The following EPB41L5 variants were observed in gnomAD, a reference collection of about 807,000 sequenced individuals.
EPB41L5 encodes erythrocyte membrane protein band 4.1 like 5.
A neutral mutation model predicts 106.6 loss-of-function variants in EPB41L5; 55 were observed. The observed-to-expected ratio is 0.52, with a 90% CI of 0.42 to 0.65. EPB41L5 has a LOEUF of 0.65. EPB41L5 is among the 30% of genes least tolerant of loss of function. The pLI is 0.00. For missense variants in EPB41L5, 871 were observed against 882.1 expected (o/e 0.99, Z 0.16); for synonymous variants, 297 against 306.7 (o/e 0.97, Z 0.33).
At chr2:120,111,998 A>G (rs901803046) in intron 16 of EPB41L5, among the ~76,000 whole-genome samples, 1 of 151,904 alleles carries the variant, frequency 6.6e-6, no homozygotes, top group Non-Finnish European at 1.5e-5. Flanking sequence ...TCAATCTCTT[A>G]TGGTTCATTC....
chr2:120,142,916 G>A, intron 18 of EPB41L5, 87 bp from the exon 19 acceptor site: 1 of 1,181,360 alleles, frequency 8.5e-7, no homozygotes, highest in Non-Finnish European at 1.2e-6. Flanking sequence ...CTGATTGTCT[G>A]CAGATGAACT....
intron 10 of EPB41L5, among the ~76,000 whole-genome samples, chr2:120,086,087 G>A (rs1041063784): frequency 2.6e-5 from 4 of 152,144 alleles, no homozygotes; most frequent in Non-Finnish European, 5.9e-5. Context: ...TGTAATCCCA[G>A]CTACTCTGGA....
At position 120,154,818 on chromosome 2, in the gene EPB41L5, C is replaced by T. The variant is rs549909471; in HGVS notation, c.1794-6063C>T. ...GCGGGTGCCTATAGTCCCAGCTACT[C>T]GGGAGGCTGAGGCAGGAGAATGGCG... is the stretch of plus-strand genomic sequence containing the variant. On this transcript the variant is annotated intron_variant, in intron 20 of 24. Coordinates refer to ENST00000263713, the MANE Select transcript of EPB41L5 (RefSeq NM_020909.4). Among the ~76,000 whole-genome samples the T allele has an allele frequency of 2.1e-3, 319 of 151,946 alleles. 2 individuals carry two copies. The highest frequency in any genetic ancestry group is 7.2e-3 in the African/African-American group (297 of 41,438).
At chr2:120,170,482 C>G (rs754039618) in intron 24 of EPB41L5, among the ~76,000 whole-genome samples, 3 of 152,246 alleles carry the variant, frequency 2.0e-5, no homozygotes, top group Non-Finnish European at 4.4e-5. Context: ...GACTAAGGAA[C>G]TCAGTTCCTA....
intron 3 of EPB41L5, among the ~76,000 whole-genome samples, chr2:120,060,704 A>G (rs1256582220): frequency 6.6e-6 from 1 of 152,134 alleles, no homozygotes; most frequent in Non-Finnish European, 1.5e-5. Context: ...TGGTATTAGG[A>G]TAGGAATCTA....
chr2:120,030,977 A>G (rs912560669), intron 2 of EPB41L5, among the ~76,000 whole-genome samples: 2 of 152,012 alleles, frequency 1.3e-5, no homozygotes, highest in South Asian at 2.1e-4. Flanking sequence ...CCCGGGTTCA[A>G]GTGATTCTCC....
intron 9 of EPB41L5, among the ~76,000 whole-genome samples, chr2:120,077,761 TTAAC>T (rs1682350522): frequency 1.3e-5 from 2 of 152,164 alleles, no homozygotes; most frequent in African/African-American, 4.8e-5. Flanking sequence ...TATTTCTAGT[TTAAC>T]TAGTAACATT....
chr2:120,099,016 T>G (rs1430246456), intron 14 of EPB41L5, among the ~76,000 whole-genome samples: 2 of 152,240 alleles, frequency 1.3e-5, no homozygotes, highest in Non-Finnish European at 2.9e-5. Context: ...TTAAATCTGC[T>G]CGGGGTACCC....
intron 20 of EPB41L5, among the ~76,000 whole-genome samples, chr2:120,148,683 G>T (rs1445976967): frequency 1.3e-5 from 2 of 151,794 alleles, no homozygotes; most frequent in Admixed American, 6.6e-5. Context: ...AGCATATGTT[G>T]GTACTTTGTC....
intron 16 of EPB41L5, chr2:120,106,130 A>G (rs1684440344): frequency 2.0e-6 from 2 of 985,318 alleles, no homozygotes; most frequent in African/African-American, 3.5e-5. Flanking sequence ...GTACTGTTAC[A>G]TTTAAGGGAA....
intron 3 of EPB41L5, among the ~76,000 whole-genome samples, chr2:120,044,303 A>G (rs1292541329): frequency 6.6e-6 from 1 of 152,184 alleles, no homozygotes; most frequent in Non-Finnish European, 1.5e-5. Context: ...ATTAGACTAA[A>G]TTCACTAATG....
chr2:120,089,706 T>C (rs978392552), intron 11 of EPB41L5, among the ~76,000 whole-genome samples: 1 of 152,086 alleles, frequency 6.6e-6, no homozygotes, highest in Non-Finnish European at 1.5e-5. Flanking sequence ...TATATAACTT[T>C]TGATGTTTAG....
chr2:120,013,587 G>GA, intron 1 of EPB41L5: 1 of 152,324 alleles, frequency 6.6e-6, no homozygotes, highest in African/African-American at 2.4e-5. Flanking sequence ...AAGGGAAGGG[G>GA]AAAAACGAAC....
At chr2:120,068,518 A>C (rs1476289473) in intron 3 of EPB41L5, among the ~76,000 whole-genome samples, 1 of 152,092 alleles carries the variant, frequency 6.6e-6, no homozygotes, top group East Asian at 1.9e-4. Flanking sequence ...AGGCTTGGTG[A>C]GGGGAGGGGC....
intron 2 of EPB41L5, among the ~76,000 whole-genome samples, chr2:120,023,602 G>T (rs1256289933): frequency 6.6e-6 from 1 of 152,120 alleles, no homozygotes; most frequent in Admixed American, 6.5e-5. Flanking sequence ...AGTATAGTTT[G>T]AAGTCAGGTA....
intron 10 of EPB41L5, among the ~76,000 whole-genome samples, chr2:120,084,188 G>A (rs550737075): frequency 6.6e-6 from 1 of 152,224 alleles, no homozygotes; most frequent in African/African-American, 2.4e-5. Context: ...TGGTTATTTT[G>A]CTCATTAGTT....
intron 14 of EPB41L5, among the ~76,000 whole-genome samples, chr2:120,099,567 A>G (rs1353303170): frequency 1.3e-5 from 2 of 151,982 alleles, no homozygotes; most frequent in Admixed American, 6.6e-5. Flanking sequence ...AGCTGGGACT[A>G]CAGGTGCCCG....
chr2:120,122,869 C>T (rs960176941), intron 16 of EPB41L5, among the ~76,000 whole-genome samples: 1 of 152,156 alleles, frequency 6.6e-6, no homozygotes, highest in Non-Finnish European at 1.5e-5. Context: ...GTTTGTAGTT[C>T]TCCTTGAAGA....
Position 120,116,451 on chromosome 2 carries a change from A to T in EPB41L5, c.1338-11237A>T, listed in dbSNP as rs531975130. ...ATTTAGGAAGATTAGGAAAAGCCTT[A>T]TACTGGAAACTTAAACATGAAAATA... On this transcript the variant is annotated intron_variant, in intron 16 of 24. Coordinates refer to ENST00000263713, the MANE Select transcript of EPB41L5 (RefSeq NM_020909.4). 8.5e-5 allele frequency among the ~76,000 whole-genome samples: 13 copies of T among 152,332 alleles called. No individual in the cohort carries two copies. The East Asian group carries it at 2.5e-3, about 29-fold the overall frequency.
Sources: allele counts gnomAD v4.1 joint callset (sites outside exome capture counted in the v4.1 genomes callset), GRCh38; gene constraint gnomAD v4.1.1; transcripts MANE v1.5; gene names NCBI Gene and HGNC (gene_info 2026-07-23, HGNC 2026-07-21).